The following RIGI variants were observed in gnomAD, a reference collection of about 807,000 sequenced individuals.
The protein encoded by RIGI is RNA sensor RIG-I, also known as antiviral innate immune response receptor RIG-I.
the RIGI span, chr9:32,492,337 C>T: frequency 6.3e-6 from 10 of 1,596,836 alleles, no homozygotes; most frequent in Admixed American, 3.4e-5. Flanking sequence ...TGTAAAAGAC[C>T]GGTTGGAATG....
the RIGI span, among the ~76,000 whole-genome samples, chr9:32,496,374 A>C: frequency 3.9e-5 from 6 of 152,340 alleles, no homozygotes; most frequent in East Asian, 1.2e-3. Context: ...TTCAGAACAG[A>C]TTATCATTTG....
At chr9:32,491,713 CAAAAAAAAAAAA>C in the RIGI span, among the ~76,000 whole-genome samples, 6 of 100,458 alleles carry the variant, frequency 6.0e-5, no homozygotes, top group African/African-American at 2.2e-4. Context: ...TCGTATGCAC[CAAAAAAAAAAAA>C]AAAAAAAAAG....
At chr9:32,515,337 C>T in the RIGI span, among the ~76,000 whole-genome samples, 1 of 90,174 alleles carries the variant, frequency 1.1e-5, no homozygotes, top group Non-Finnish European at 2.8e-5. Flanking sequence ...AAAAAAAAGC[C>T]ACACGTTTGT....
the RIGI span, among the ~76,000 whole-genome samples, chr9:32,518,693 A>G: frequency 6.6e-6 from 1 of 152,262 alleles, no homozygotes; most frequent in Non-Finnish European, 1.5e-5. Context: ...TTCTTAATAT[A>G]GTTAACCATG....
At chr9:32,504,069 C>CACACACACACA in the RIGI span, among the ~76,000 whole-genome samples, 3 of 48,738 alleles carry the variant, frequency 6.2e-5, no homozygotes, top group Non-Finnish European at 1.1e-4. Context: ...ACACACACAC[C>CACACACACACA]CAGGTCTGCC....
the RIGI span, chr9:32,456,405 G>A: frequency 1.3e-5 from 2 of 151,952 alleles, no homozygotes; most frequent in East Asian, 1.9e-4. Context: ...ATGTTCTCAT[G>A]TTCTCTGTGT....
the RIGI span, among the ~76,000 whole-genome samples, chr9:32,457,772 G>A: frequency 4.0e-4 from 61 of 152,290 alleles, 1 homozygote; most frequent in South Asian, 0.011. Flanking sequence ...GTTCACCAGT[G>A]GCCCTGGCAG....
At chr9:32,522,803 G>A in the RIGI span, among the ~76,000 whole-genome samples, 1 of 152,138 alleles carries the variant, frequency 6.6e-6, no homozygotes, top group South Asian at 2.1e-4. Context: ...CCATGATCCA[G>A]GAATTGATAA....
At chr9:32,487,795 A>G in the RIGI span, 1 of 1,273,856 alleles carries the variant, frequency 7.9e-7, no homozygotes, top group Non-Finnish European at 1.1e-6. Flanking sequence ...CTAAGTGAAC[A>G]AATGAATAAA....
At chr9:32,516,021 T>C in the RIGI span, among the ~76,000 whole-genome samples, 1 of 152,202 alleles carries the variant, frequency 6.6e-6, no homozygotes, top group Non-Finnish European at 1.5e-5. Context: ...CCACAGACAT[T>C]TATTCCAGAA....
chr9:32,515,101 C>T, the RIGI span, among the ~76,000 whole-genome samples: 1 of 152,042 alleles, frequency 6.6e-6, no homozygotes, highest in Non-Finnish European at 1.5e-5. Context: ...TTAGAGGAAA[C>T]CTGAGTAATC....
At chr9:32,489,211 A>G in the RIGI span, 1 of 601,688 alleles carries the variant, frequency 1.7e-6, no homozygotes, top group Non-Finnish European at 2.9e-6. Context: ...TTAGGATTAT[A>G]TTAGGACAGT....
the RIGI span, among the ~76,000 whole-genome samples, chr9:32,468,398 G>A: frequency 6.6e-6 from 1 of 152,196 alleles, no homozygotes; most frequent in Non-Finnish European, 1.5e-5. Flanking sequence ...AGGCATGGTG[G>A]TTCACGCCTA....
chr9:32,495,133 A>G, the RIGI span, among the ~76,000 whole-genome samples: 1 of 152,288 alleles, frequency 6.6e-6, no homozygotes, highest in Non-Finnish European at 1.5e-5. Context: ...ACCATTTTAC[A>G]ATCCTACCAA....
the RIGI span, among the ~76,000 whole-genome samples, chr9:32,472,805 C>T: frequency 6.6e-6 from 1 of 152,100 alleles, no homozygotes; most frequent in Non-Finnish European, 1.5e-5. Flanking sequence ...ACTGCTTTTG[C>T]TTCTGTGGTT....
chr9:32,463,667 ATAAGT>A, the RIGI span, among the ~76,000 whole-genome samples: 2 of 152,014 alleles, frequency 1.3e-5, no homozygotes, highest in Non-Finnish European at 2.9e-5. Context: ...TCAACCAATC[ATAAGT>A]TAAGTCTATG....
the RIGI span, chr9:32,492,530 A>ATT: frequency 6.2e-7 from 1 of 1,614,192 alleles, no homozygotes; most frequent in East Asian, 2.2e-5. Context: ...TCCCCTTAGT[A>ATT]GAGCAAATCT....
the RIGI span, among the ~76,000 whole-genome samples, chr9:32,477,656 G>A: frequency 0.024 from 3,715 of 152,216 alleles, 163 homozygotes; most frequent in African/African-American, 0.086. Context: ...CGGGTGTGGT[G>A]GCTCACACCT....
chr9:32,477,147 A>G, the RIGI span: 1 of 1,611,460 alleles, frequency 6.2e-7, no homozygotes, highest in Non-Finnish European at 8.5e-7. Flanking sequence ...AATGGGAAAC[A>G]TTTTATAAAT....
Sources: allele counts gnomAD v4.1 joint callset (sites outside exome capture counted in the v4.1 genomes callset), GRCh38; gene constraint gnomAD v4.1.1; transcripts MANE v1.5; gene names NCBI Gene and HGNC (gene_info 2026-07-23, HGNC 2026-07-21).